MAPK10: variants seen among roughly 807,000 people sequenced by gnomAD.
MAPK10 encodes JNK3 alpha protein kinase.
A neutral mutation model predicts 59.3 loss-of-function variants in MAPK10; 25 were observed. The observed-to-expected ratio is 0.42, with a 90% CI of 0.31 to 0.59. MAPK10 has a LOEUF of 0.59. Among genes scored for constraint, MAPK10 ranks in the 20% least tolerant of loss-of-function variants. MAPK10 has a pLI of 0.15. For missense variants in MAPK10, 351 were observed against 568.9 expected, an observed-to-expected ratio of 0.62 and a Z score of 3.90; for synonymous variants, 190 against 200.5, an observed-to-expected ratio of 0.95 and a Z score of 0.44.
upstream of MAPK10, among the ~76,000 whole-genome samples, chr4:86,363,415 T>G (rs1378738193): frequency 6.6e-6 from 1 of 152,202 alleles, no homozygotes; most frequent in Non-Finnish European, 1.5e-5. Context: ...ACTCAGCAAT[T>G]AAAAAGAATG....
intron 2 of MAPK10, among the ~76,000 whole-genome samples, chr4:86,256,730 CTTTCTTTTTTTTTTTTT>C (rs2093735286): frequency 1.1e-5 from 1 of 87,744 alleles, no homozygotes; most frequent in African/African-American, 5.7e-5. Flanking sequence ...TCTTTTCTTT[CTTTCTTTTTTTTTTTTT>C]TTTTTTTTTT....
intron 2 of MAPK10, among the ~76,000 whole-genome samples, chr4:86,342,010 A>G (rs35324025): frequency 0.72 from 109,561 of 151,930 alleles, 40,308 homozygotes; most frequent in South Asian, 0.9. Flanking sequence ...ATTTACACCC[A>G]GGCAGTTTAA....
intron 1 of MAPK10, among the ~76,000 whole-genome samples, chr4:86,451,592 C>T (rs1023932397): frequency 5.3e-5 from 8 of 152,118 alleles, no homozygotes; most frequent in Non-Finnish European, 1.0e-4. Flanking sequence ...GGGAGTGGTA[C>T]GGTGGGACCA....
chr4:86,210,342 A>G (rs555322878), intron 2 of MAPK10, among the ~76,000 whole-genome samples: 1 of 151,356 alleles, frequency 6.6e-6, no homozygotes, highest in East Asian at 2.0e-4. Flanking sequence ...GATAACCCAA[A>G]GAATGGGAGA....
At chr4:86,107,127 A>G in intron 5 of MAPK10, 96 bp downstream of exon 5, 3 of 955,286 alleles carry the variant, frequency 3.1e-6, no homozygotes, top group Non-Finnish European at 3.2e-6. Flanking sequence ...GGAATTGCAA[A>G]GCAAAGAAAG....
At chr4:86,300,508 T>A (rs1346216895) in intron 2 of MAPK10, 1 of 152,204 alleles carries the variant, frequency 6.6e-6, no homozygotes, top group Non-Finnish European at 1.5e-5. Context: ...AATGATATTA[T>A]TAAGACTGTC....
At chr4:86,369,566 C>T (rs1738436084) in intron 1 of MAPK10, among the ~76,000 whole-genome samples, 2 of 152,080 alleles carry the variant, frequency 1.3e-5, no homozygotes, top group Admixed American at 6.6e-5. Flanking sequence ...ATATGTGTAG[C>T]TTATGTCTGG....
At position 86,058,200 on chromosome 4, in the gene MAPK10, C is replaced by T. The variant is rs1291583703; in HGVS notation, c.1110+6066G>A. Among the ~76,000 whole-genome samples the T allele has an allele frequency of 2.0e-5, 3 of 149,738 alleles. 1 individual carries two copies. The highest frequency in any genetic ancestry group is 4.4e-5 in the Non-Finnish European group (3 of 67,530). On this transcript the variant is annotated intron_variant, in intron 11 of 13. Coordinates refer to ENST00000641462, the MANE Select transcript of MAPK10 (RefSeq NM_138982.4). ...GGAGGTCCTTGAGTACCTCTTCTAA[C>T]ATCTAAAGTCTTCTCCTCTCCAGAG...
chr4:86,509,435 G>C (rs1756039040), intron 1 of MAPK10, among the ~76,000 whole-genome samples: 2 of 149,454 alleles, frequency 1.3e-5, no homozygotes, highest in African/African-American at 4.9e-5. Flanking sequence ...TTGTCTGTCT[G>C]TTACACGGGG....
At chr4:86,419,544 A>G (rs1025620907) in intron 1 of MAPK10, among the ~76,000 whole-genome samples, 4 of 152,214 alleles carry the variant, frequency 2.6e-5, no homozygotes, top group Admixed American at 2.0e-4. Flanking sequence ...ATAAAATTTA[A>G]TGTACTCATA....
At chr4:86,062,582 C>T (rs1376711264) in intron 11 of MAPK10, among the ~76,000 whole-genome samples, 2 of 151,940 alleles carry the variant, frequency 1.3e-5, no homozygotes, top group Non-Finnish European at 2.9e-5. Context: ...ACAGATTATA[C>T]ATATTAAGTT....
chr4:86,182,126 T>C (rs1343545007), intron 3 of MAPK10, among the ~76,000 whole-genome samples: 1 of 152,036 alleles, frequency 6.6e-6, no homozygotes, highest in Non-Finnish European at 1.5e-5. Flanking sequence ...TCTTTTATTG[T>C]CCAACATTAC....
At chr4:86,381,869 C>T (rs74879104) in intron 1 of MAPK10, among the ~76,000 whole-genome samples, 2,293 of 152,160 alleles carry the variant, frequency 0.015, 66 homozygotes, top group African/African-American at 0.052. Flanking sequence ...AAGAGTCACC[C>T]GTTTTGTGAG....
chr4:86,356,992 G>T (rs1337637925), intron 1 of MAPK10: 1 of 152,102 alleles, frequency 6.6e-6, no homozygotes, highest in African/African-American at 2.4e-5. Flanking sequence ...GTCACTACTG[G>T]ACACTTCCGT....
chr4:86,199,557 A>T (rs2082152987), intron 2 of MAPK10, among the ~76,000 whole-genome samples: 1 of 152,012 alleles, frequency 6.6e-6, no homozygotes, highest in South Asian at 2.1e-4. Context: ...AGATGAGATA[A>T]TTATCCTGGG....
chr4:86,311,685 C>T (rs2095671887), intron 2 of MAPK10, among the ~76,000 whole-genome samples: 1 of 152,004 alleles, frequency 6.6e-6, no homozygotes, highest in Admixed American at 6.6e-5. Flanking sequence ...TTGGTTATGT[C>T]AAAGGCAAGC....
intron 11 of MAPK10, among the ~76,000 whole-genome samples, chr4:86,047,705 A>G (rs1474485851): frequency 6.6e-6 from 1 of 152,176 alleles, no homozygotes; most frequent in Non-Finnish European, 1.5e-5. Flanking sequence ...CACCCTTCTT[A>G]CTATGGGTTA....
intron 2 of MAPK10, among the ~76,000 whole-genome samples, chr4:86,206,644 T>C (rs1167079740): frequency 2.0e-5 from 3 of 152,242 alleles, no homozygotes; most frequent in African/African-American, 4.8e-5. Context: ...AGGGTTGAAC[T>C]AGTTTACAGT....
chr4:86,296,066 C>A (rs2095354862), intron 2 of MAPK10, among the ~76,000 whole-genome samples: 1 of 150,994 alleles, frequency 6.6e-6, no homozygotes, highest in Non-Finnish European at 1.5e-5. Flanking sequence ...ATCCCAGCTA[C>A]TCGGGAGGCT....
Sources: gnomAD v4.1 joint callset for allele counts (sites outside exome capture counted in the v4.1 genomes callset) on GRCh38, gnomAD v4.1.1 for gene constraint, MANE v1.5 for transcripts, NCBI Gene and HGNC (gene_info 2026-07-23, HGNC 2026-07-21) for gene names.